Variants in SNRPN observed in about 807,000 individuals in gnomAD.
SNRPN encodes the protein small nuclear ribonucleoprotein polypeptide N.
Under a neutral mutation model 25.2 loss-of-function variants are expected in SNRPN, and 7 were observed. The ratio of observed to expected loss-of-function variants is 0.28; its 90% CI spans 0.16 to 0.52. The LOEUF (loss-of-function observed/expected upper bound fraction) is 0.52. SNRPN is among the 20% of genes least tolerant of loss of function. SNRPN has a pLI of 0.96. For missense variants in SNRPN, 196 were observed against 322.5 expected (o/e 0.61, Z 3.00); for synonymous variants, 124 against 110.6 (o/e 1.12, Z -0.76).
At chr15:24,881,187 T>C (rs1474606686) in intron 1 of SNRPN, among the ~76,000 whole-genome samples, 1 of 151,768 alleles carries the variant, frequency 6.6e-6, no homozygotes, top group Non-Finnish European at 1.5e-5. Flanking sequence ...AATTCAAGCA[T>C]ATGGAGGTGA....
At chr15:24,916,912 T>C (rs1020289236) in intron 2 of SNRPN, among the ~76,000 whole-genome samples, 1 of 152,174 alleles carries the variant, frequency 6.6e-6, no homozygotes, top group Admixed American at 6.5e-5. Flanking sequence ...AAGAACAAAA[T>C]TTCCACAGCA....
chr15:24,930,130 C>T (rs555127161), intron 3 of SNRPN, among the ~76,000 whole-genome samples: 17 of 147,656 alleles, frequency 1.2e-4, no homozygotes, highest in African/African-American at 3.2e-4. Context: ...GGTGACAGAG[C>T]GAGACTCCAT....
chr15:24,912,724 T>C (rs996298520), intron 2 of SNRPN, among the ~76,000 whole-genome samples: 1 of 152,164 alleles, frequency 6.6e-6, no homozygotes, highest in Non-Finnish European at 1.5e-5. Context: ...AAAAGTGTAT[T>C]AATTTAAAGG....
intron 2 of SNRPN, among the ~76,000 whole-genome samples, chr15:24,830,452 T>G (rs2141422006): frequency 6.6e-6 from 1 of 152,214 alleles, no homozygotes; most frequent in East Asian, 1.9e-4. Context: ...TTGCCGTGTT[T>G]CCAATGTTAT....
intron 1 of SNRPN, among the ~76,000 whole-genome samples, chr15:24,875,687 G>A (rs1196638107): frequency 1.3e-5 from 2 of 152,164 alleles, no homozygotes; most frequent in Non-Finnish European, 2.9e-5. Flanking sequence ...AAGTGGCTGT[G>A]GTGTGAGGAC....
chr15:24,830,643 G>A (rs2050438875), intron 2 of SNRPN, among the ~76,000 whole-genome samples: 1 of 151,870 alleles, frequency 6.6e-6, no homozygotes, highest in Non-Finnish European at 1.5e-5. Context: ...TTTCAATTTA[G>A]TTCAAATTAT....
At chr15:24,869,477 A>G (rs1270352129) in intron 1 of SNRPN, among the ~76,000 whole-genome samples, 1 of 152,132 alleles carries the variant, frequency 6.6e-6, no homozygotes, top group Non-Finnish European at 1.5e-5. Context: ...AGACCACATC[A>G]CATTTAGAAA....
chr15:24,852,490 G>T (rs1047817897), upstream of SNRPN, among the ~76,000 whole-genome samples: 6 of 152,132 alleles, frequency 3.9e-5, no homozygotes, highest in African/African-American at 1.4e-4. Flanking sequence ...ATACCAGTCA[G>T]ATATCTTGTG....
At chr15:24,837,905 T>C (rs1236291381) in intron 2 of SNRPN, among the ~76,000 whole-genome samples, 2 of 151,350 alleles carry the variant, frequency 1.3e-5, no homozygotes, top group African/African-American at 4.9e-5. Context: ...GTATTTTTAG[T>C]AGAGACAGGG....
chr15:24,957,507 A>C (rs2063124115), intron 1 of SNRPN, among the ~76,000 whole-genome samples: 2 of 152,198 alleles, frequency 1.3e-5, no homozygotes, highest in Non-Finnish European at 2.9e-5. Context: ...TTTTTAAAAA[A>C]TCATTTTATT....
At chr15:24,881,692 G>A (rs987163689) in intron 1 of SNRPN, among the ~76,000 whole-genome samples, 29 of 151,824 alleles carry the variant, frequency 1.9e-4, no homozygotes, top group African/African-American at 7.0e-4. Context: ...ATAGGCCTGA[G>A]CATTTAAAAA....
At chr15:24,878,262 G>A (rs2056183389) in intron 1 of SNRPN, among the ~76,000 whole-genome samples, 1 of 152,218 alleles carries the variant, frequency 6.6e-6, no homozygotes, top group South Asian at 2.1e-4. Flanking sequence ...AGCCCCACGG[G>A]TCTCACTGCT....
intron 3 of SNRPN, among the ~76,000 whole-genome samples, chr15:24,938,632 A>G (rs2061382744): frequency 6.6e-6 from 1 of 152,180 alleles, no homozygotes; most frequent in Non-Finnish European, 1.5e-5. Context: ...ACACTACACC[A>G]CATCACGTGA....
At chr15:24,938,226 G>A (rs535422580) in intron 3 of SNRPN, among the ~76,000 whole-genome samples, 9 of 150,920 alleles carry the variant, frequency 6.0e-5, no homozygotes, top group Admixed American at 2.0e-4. Flanking sequence ...AGCGATTTTC[G>A]CTTGATTCTC....
At chr15:24,902,442 A>G (rs2058523121) in intron 2 of SNRPN, among the ~76,000 whole-genome samples, 1 of 152,206 alleles carries the variant, frequency 6.6e-6, no homozygotes, top group Non-Finnish European at 1.5e-5. Flanking sequence ...TTGTTCCAGG[A>G]AAGAAACTAA....
At chr15:24,833,145 G>C (rs1401114306) in intron 2 of SNRPN, among the ~76,000 whole-genome samples, 1 of 143,058 alleles carries the variant, frequency 7.0e-6, no homozygotes, top group African/African-American at 2.6e-5. Context: ...GATGGAAACA[G>C]AGTAGAAATG....
intron 3 of SNRPN, among the ~76,000 whole-genome samples, chr15:24,944,322 A>G (rs10162791): frequency 0.04 from 6,101 of 152,288 alleles, 417 homozygotes; most frequent in African/African-American, 0.14. Flanking sequence ...ATTAGGTGCA[A>G]CTAGACAGTC....
intron 2 of SNRPN, among the ~76,000 whole-genome samples, chr15:24,907,466 C>T (rs1268840926): frequency 2.0e-5 from 3 of 151,972 alleles, no homozygotes; most frequent in African/African-American, 4.8e-5. Context: ...GGCGTGGTGG[C>T]GGTCGCCTGT....
intron 1 of SNRPN, among the ~76,000 whole-genome samples, chr15:24,875,323 A>G (rs572277962): frequency 7.2e-5 from 11 of 152,328 alleles, no homozygotes; most frequent in African/African-American, 2.6e-4. Flanking sequence ...TGTCTCCAGA[A>G]TCTTTGTTTA....
Sources: allele counts gnomAD v4.1 joint callset (sites outside exome capture counted in the v4.1 genomes callset), GRCh38; gene constraint gnomAD v4.1.1; transcripts MANE v1.5; gene names NCBI Gene and HGNC (gene_info 2026-07-23, HGNC 2026-07-21).